SKIC2: variants seen among roughly 807,000 people sequenced by gnomAD.
SKIC2 encodes superkiller complex protein 2.
chr6:31,968,010 C>T, the SKIC2 span: 12 of 1,613,050 alleles, frequency 7.4e-6, no homozygotes, highest in Non-Finnish European at 1.0e-5. This position sits in a 1 kb window ranked among gnomAD's most constrained non-coding sequence, Gnocchi z 6.1. Context: ...GCTGCCATCA[C>T]CACCAAGGTG....
the SKIC2 span, chr6:31,959,746 C>G: frequency 5.4e-6 from 3 of 551,946 alleles, no homozygotes; most frequent in South Asian, 7.5e-5. Context: ...TTTCTAAAAT[C>G]AGTGAGTCTC....
chr6:31,966,993 T>C, the SKIC2 span: 1 of 1,612,816 alleles, frequency 6.2e-7, no homozygotes, highest in Non-Finnish European at 8.5e-7. This position sits in a 1 kb window ranked among gnomAD's most constrained non-coding sequence, Gnocchi z 5.9. Context: ...CTTCCCCTGC[T>C]CCCACCCAAG....
At chr6:31,968,211 C>T in the SKIC2 span, 1 of 1,465,226 alleles carries the variant, frequency 6.8e-7, no homozygotes, top group Non-Finnish European at 9.4e-7. The surrounding 1 kb of genome is among the most constrained non-coding windows in gnomAD (Gnocchi z 6.1). Flanking sequence ...GGGGGCTCCC[C>T]CAGCCTAAGG....
the SKIC2 span, chr6:31,962,036 C>A: frequency 5.0e-6 from 8 of 1,613,028 alleles, no homozygotes; most frequent in Non-Finnish European, 6.8e-6. This position sits in a 1 kb window ranked among gnomAD's most constrained non-coding sequence, Gnocchi z 5.0. Flanking sequence ...ATTGCCCTGG[C>A]CCAGAAACAC....
At chr6:31,964,154 A>C in the SKIC2 span, 1 of 1,610,786 alleles carries the variant, frequency 6.2e-7, no homozygotes, top group African/African-American at 1.3e-5. The surrounding 1 kb of genome is among the most constrained non-coding windows in gnomAD (Gnocchi z 5.0). Flanking sequence ...GTGTGCGTGC[A>C]TGCACACATT....
chr6:31,969,591 T>C, the SKIC2 span: 1 of 1,613,678 alleles, frequency 6.2e-7, no homozygotes, highest in African/African-American at 1.3e-5. The surrounding 1 kb of genome is among the most constrained non-coding windows in gnomAD (Gnocchi z 6.1). Flanking sequence ...CTGGCTGAGA[T>C]GTGTCGCTCA....
the SKIC2 span, chr6:31,968,371 C>G: frequency 6.2e-7 from 1 of 1,613,056 alleles, no homozygotes. This position sits in a 1 kb window ranked among gnomAD's most constrained non-coding sequence, Gnocchi z 6.1. Flanking sequence ...TGTCCAGGAA[C>G]TGCTGCGTCT....
chr6:31,969,216 T>C, the SKIC2 span: 4 of 1,594,168 alleles, frequency 2.5e-6, no homozygotes, highest in Non-Finnish European at 3.4e-6. The surrounding 1 kb of genome is among the most constrained non-coding windows in gnomAD (Gnocchi z 6.1). Context: ...GCTGCCTTCT[T>C]GATCTGGTCC....
At chr6:31,968,826 G>T in the SKIC2 span, 1 of 1,609,164 alleles carries the variant, frequency 6.2e-7, no homozygotes, top group Non-Finnish European at 8.5e-7. The surrounding 1 kb of genome is among the most constrained non-coding windows in gnomAD (Gnocchi z 6.1). Context: ...GGGCAGGGGG[G>T]CTAGGGGACA....
the SKIC2 span, chr6:31,960,014 C>G: frequency 6.2e-7 from 1 of 1,612,504 alleles, no homozygotes; most frequent in Non-Finnish European, 8.5e-7. Flanking sequence ...TTTCAGCTTC[C>G]CCATGGCCTC....
At chr6:31,961,001 C>G in the SKIC2 span, 47 of 1,403,604 alleles carry the variant, frequency 3.3e-5, no homozygotes, top group East Asian at 8.2e-4. Flanking sequence ...AATTTGTTCA[C>G]CAGTGTGCAG....
chr6:31,965,963 C>T, the SKIC2 span: 6 of 1,611,466 alleles, frequency 3.7e-6, no homozygotes, highest in Non-Finnish European at 5.1e-6. The surrounding 1 kb of genome is among the most constrained non-coding windows in gnomAD (Gnocchi z 5.6). Context: ...CGTTATCCTG[C>T]TCTGCAAGGG....
At chr6:31,967,468 C>A in the SKIC2 span, 1 of 1,005,268 alleles carries the variant, frequency 9.9e-7, no homozygotes, top group Non-Finnish European at 1.6e-6. The surrounding 1 kb of genome is among the most constrained non-coding windows in gnomAD (Gnocchi z 4.9). Context: ...GTTGCGTCAT[C>A]ATAGGGCCCT....
At chr6:31,966,517 G>C in the SKIC2 span, among the ~76,000 whole-genome samples, 1 of 152,204 alleles carries the variant, frequency 6.6e-6, no homozygotes, top group African/African-American at 2.4e-5. This position sits in a 1 kb window ranked among gnomAD's most constrained non-coding sequence, Gnocchi z 5.9. Context: ...TATGGAGCTA[G>C]ATGGGGCCTT....
At chr6:31,961,345 C>G in the SKIC2 span, 1 of 1,575,264 alleles carries the variant, frequency 6.3e-7, no homozygotes, top group Non-Finnish European at 8.6e-7. Context: ...CTGCAGTGCT[C>G]CCCTGGCCCG....
chr6:31,966,034 G>C, the SKIC2 span: 1 of 1,475,004 alleles, frequency 6.8e-7, no homozygotes, highest in Non-Finnish European at 9.3e-7. This position sits in a 1 kb window ranked among gnomAD's most constrained non-coding sequence, Gnocchi z 5.9. Context: ...CAGCATGCTC[G>C]GCAGGGCCCC....
chr6:31,966,272 T>G, the SKIC2 span, among the ~76,000 whole-genome samples: 1 of 152,116 alleles, frequency 6.6e-6, no homozygotes, highest in South Asian at 2.1e-4. This position sits in a 1 kb window ranked among gnomAD's most constrained non-coding sequence, Gnocchi z 5.9. Context: ...AATTTTTTTT[T>G]TTTTTTTATG....
the SKIC2 span, chr6:31,964,303 G>T: frequency 6.2e-7 from 1 of 1,612,904 alleles, no homozygotes. This position sits in a 1 kb window ranked among gnomAD's most constrained non-coding sequence, Gnocchi z 5.0. Flanking sequence ...CCATCCTCAA[G>T]GAGATCGTGG....
the SKIC2 span, chr6:31,964,346 C>G: frequency 8.0e-5 from 128 of 1,609,338 alleles, no homozygotes; most frequent in East Asian, 2.3e-3. This position sits in a 1 kb window ranked among gnomAD's most constrained non-coding sequence, Gnocchi z 5.0. Context: ...GGTCAAGGTG[C>G]ATGTGGTGGT....
Sources: allele counts gnomAD v4.1 joint callset (sites outside exome capture counted in the v4.1 genomes callset), GRCh38; gene constraint gnomAD v4.1.1; non-coding constraint Gnocchi (gnomAD v3.1); transcripts MANE v1.5; gene names NCBI Gene and HGNC (gene_info 2026-07-23, HGNC 2026-07-21).